TG: variants seen among roughly 807,000 people sequenced by gnomAD.
TG encodes the protein thyroglobulin, also known as thyroid hormones.
In TG, 270 loss-of-function variants were observed where a neutral mutation model predicts 324.7. The ratio of observed to expected loss-of-function variants is 0.83; its 90% CI spans 0.75 to 0.92. The LOEUF is 0.92. Ranked by LOEUF, TG falls within the 40% of genes least tolerant of loss-of-function variation. TG has a pLI of 0.00. For synonymous variants in TG, 1,401 were observed against 1,327.0 expected (o/e 1.06, Z -1.21); for missense variants, 3,591 against 3,456.4 (o/e 1.04, Z -0.98).
At chr8:133,045,387 C>CA (rs1839144101) in intron 41 of TG, among the ~76,000 whole-genome samples, 2 of 65,868 alleles carry the variant, frequency 3.0e-5, no homozygotes, top group Non-Finnish European at 2.6e-5. Flanking sequence ...ATCCTCTTTG[C>CA]TTTTTTTTTT....
intron 16 of TG, among the ~76,000 whole-genome samples, chr8:132,905,196 G>A (rs1818500953): frequency 6.6e-6 from 1 of 152,188 alleles, no homozygotes; most frequent in South Asian, 2.1e-4. Flanking sequence ...TGAGGAAACT[G>A]TCACAGAGAC....
intron 34 of TG, among the ~76,000 whole-genome samples, chr8:132,982,878 C>T (rs1458699774): frequency 1.3e-5 from 2 of 152,144 alleles, no homozygotes; most frequent in Non-Finnish European, 2.9e-5. Flanking sequence ...CTCTCTGGGA[C>T]GGGGTAGGAC....
chr8:133,043,282 G>T (rs1284107350), intron 41 of TG, among the ~76,000 whole-genome samples: 1 of 152,024 alleles, frequency 6.6e-6, no homozygotes, highest in Non-Finnish European at 1.5e-5. Flanking sequence ...TAGAAGCTTT[G>T]CTAGGACAGC....
chr8:132,898,992 C>T, intron 14 of TG, 82 bp downstream of exon 14: 1 of 1,228,842 alleles, frequency 8.1e-7, no homozygotes, highest in African/African-American at 1.5e-5. Context: ...TCAATACGTT[C>T]AGCTTAGTTA....
At position 133,017,851 on chromosome 8, in the gene TG, G is replaced by C; in HGVS notation, c.6636G>C (p.Arg2212Ser). 6.2e-7 allele frequency: 1 copy of C among 1,614,162 alleles called. No individual in the cohort carries two copies. Among genetic ancestry groups the C allele is most frequent in the Non-Finnish European group, 8.5e-7 (1 of 1,180,034 alleles). ...PISTHGRLLG[R>S]SQAIQVGTSW... ...CCACCCATGGCCGGCTGCTGGGCAG[G>C]TCCCAGGCCATCCAGGTGGGTACCT... The change falls in exon 38 of 48, where the codon AGG (arginine) becomes AGC (serine). Residue 2212 changes from arginine (R) to serine (S), a missense_variant. Transcript: ENST00000220616.
intron 22 of TG, among the ~76,000 whole-genome samples, chr8:132,927,945 G>A (rs1822119737): frequency 6.6e-6 from 1 of 152,172 alleles, no homozygotes. Context: ...CAGAGCACGT[G>A]AAATTGGCAA....
intron 5 of TG, among the ~76,000 whole-genome samples, chr8:132,875,024 G>A (rs372255018): frequency 1.3e-5 from 2 of 152,060 alleles, no homozygotes; most frequent in African/African-American, 4.8e-5. Context: ...TTAGCACAGC[G>A]ACCTGGCCAC....
chr8:133,059,589 G>A (rs1014160150), intron 41 of TG, among the ~76,000 whole-genome samples: 4 of 151,896 alleles, frequency 2.6e-5, no homozygotes, highest in African/African-American at 9.7e-5. Context: ...TCCCACCAAT[G>A]GGACATAAGG....
chr8:133,096,100 A>G (rs1588083985), intron 42 of TG, 106 bp from the exon 43 acceptor site: 2 of 1,407,718 alleles, frequency 1.4e-6, no homozygotes, highest in Non-Finnish European at 1.0e-6. Flanking sequence ...CAGTAGAGTC[A>G]TAGATGGATA....
At chr8:132,878,622 A>AC (rs1209206471) in intron 5 of TG, among the ~76,000 whole-genome samples, 138 of 139,500 alleles carry the variant, frequency 9.9e-4, no homozygotes, top group African/African-American at 3.4e-3. Flanking sequence ...AAAAAAAAAC[A>AC]AAAAAAAAAC....
At chr8:132,877,927 T>C (rs1255459864) in intron 5 of TG, among the ~76,000 whole-genome samples, 1 of 151,810 alleles carries the variant, frequency 6.6e-6, no homozygotes, top group Non-Finnish European at 1.5e-5. Context: ...TTTGTCTTCC[T>C]CCTTTCTTCT....
intron 41 of TG, among the ~76,000 whole-genome samples, chr8:133,081,827 T>A (rs1588031478): frequency 6.6e-6 from 1 of 152,248 alleles, no homozygotes; most frequent in South Asian, 2.1e-4. Flanking sequence ...GCAATGTTGC[T>A]TGCTTTGCTC....
At chr8:133,097,890 C>G (rs1456479663) in intron 43 of TG, among the ~76,000 whole-genome samples, 1 of 152,088 alleles carries the variant, frequency 6.6e-6, no homozygotes, top group Admixed American at 6.6e-5. Context: ...CTGAAGGTTC[C>G]TATCTGGAAG....
intron 46 of TG, 176 bp from the exon 47 acceptor site, chr8:133,133,294 C>T (rs1322978085): frequency 7.2e-6 from 5 of 696,618 alleles, no homozygotes; most frequent in African/African-American, 1.7e-5. Flanking sequence ...GCTAGCTTTG[C>T]AGTGCAGTCA....
chr8:133,019,639 T>C lies in TG; in HGVS notation c.6820T>C (p.Ser2274Pro). 1 of 1,613,840 alleles carries C rather than the reference T, an allele frequency of 6.2e-7. No individual in the cohort carries two copies. The highest frequency in any genetic ancestry group is 8.5e-7 in the Non-Finnish European group (1 of 1,179,830). The change falls in exon 39 of 48, where the codon TCT (serine) becomes CCT (proline). Residue 2274 changes from serine to proline, a missense_variant. Ser to Pro is a moderately conservative substitution (Grantham distance 74). Transcript: ENST00000220616. ...CWQPGTRTST[S>P]PGVSEDCLYL... ...GCAGCCAGGCACCAGAACATCCACG[T>C]CTCCTGGAGTCAGTGAAGATTGTTT...
Position 132,972,852 on chromosome 8 carries a change from G to A in TG, c.6199+111G>A, listed in dbSNP as rs566113952. The A allele has an allele frequency of 5.7e-6, 8 of 1,394,802 alleles. No homozygotes were observed. The African/African-American group carries it at 9.9e-5, about 17-fold the overall frequency. 86.4% of individuals were successfully genotyped at this position (1,394,802 alleles called of 1,614,324 possible). On this transcript the variant is annotated intron_variant, in intron 34 of 47. Coordinates refer to ENST00000220616, the MANE Select transcript of TG (RefSeq NM_003235.5). ...TGAGTAGATTAATGAAGACTCATTG[G>A]GTTCAAGCAACAGAAATAGATTCTG...
chr8:133,034,037 T>C (rs1836867865), intron 41 of TG, among the ~76,000 whole-genome samples: 2 of 152,190 alleles, frequency 1.3e-5, no homozygotes, highest in African/African-American at 4.8e-5. Flanking sequence ...TTCTCTATCG[T>C]TTTTGCAGTA....
intron 12 of TG, 110 bp downstream of exon 12, chr8:132,897,896 A>T (rs2132261213): frequency 7.4e-7 from 1 of 1,358,104 alleles, no homozygotes; most frequent in East Asian, 2.4e-5. Context: ...GCTCCTCTTT[A>T]GCAGCTGGTG....
At chr8:132,992,163 A>G (rs905609393) in intron 35 of TG, among the ~76,000 whole-genome samples, 1 of 152,146 alleles carries the variant, frequency 6.6e-6, no homozygotes, top group African/African-American at 2.4e-5. Context: ...ACCAGGCACT[A>G]AGCACTGGGG....
Sources: allele counts gnomAD v4.1 joint callset (sites outside exome capture counted in the v4.1 genomes callset), GRCh38; gene constraint gnomAD v4.1.1; transcripts MANE v1.5; gene names NCBI Gene and HGNC (gene_info 2026-07-23, HGNC 2026-07-21).